TSKS: variants seen among roughly 807,000 people sequenced by gnomAD.
TSKS encodes the protein testis-specific serine kinase substrate.
Under a neutral mutation model 68.0 loss-of-function variants are expected in TSKS, and 27 were observed. That is an observed-to-expected ratio of 0.40 (90% CI 0.29 to 0.55). The LOEUF (loss-of-function observed/expected upper bound fraction) is 0.55. Among genes scored for constraint, TSKS ranks in the 20% least tolerant of loss-of-function variants. TSKS has a pLI of 0.53. For missense variants in TSKS, 806 were observed against 776.0 expected (o/e 1.04, Z -0.46); for synonymous variants, 331 against 340.4 (o/e 0.97, Z 0.30).
chr19:49,759,361 C>A (rs1054390940), intron 2 of TSKS, among the ~76,000 whole-genome samples: 1 of 149,960 alleles, frequency 6.7e-6, no homozygotes, highest in Non-Finnish European at 1.5e-5. Flanking sequence ...CCCAGCTACT[C>A]GGGAGGCTGA....
At chr19:49,746,889 G>T in intron 5 of TSKS, 91 bp from the exon 6 acceptor site, 1 of 1,532,586 alleles carries the variant, frequency 6.5e-7, no homozygotes, top group Non-Finnish European at 8.7e-7. Context: ...TACTCCCCGA[G>T]ATTGGAAGTA....
chr19:49,763,217 G>C lies in TSKS; in HGVS notation c.31C>G (p.Gln11Glu). The C allele has an allele frequency of 6.5e-7, 1 of 1,533,570 alleles. No homozygotes were observed. Among genetic ancestry groups the C allele is most frequent in the South Asian group, 1.2e-5 (1 of 81,104 alleles). The allele number at this position is 1,533,570 out of a possible 1,614,324, so 95.0% of individuals were successfully genotyped here. The change falls in exon 1 of 11, where the codon CAG becomes GAG. Residue 11 changes from glutamine (Q) to glutamate (E), a missense_variant. By Grantham distance (29) the Gln-to-Glu change is conservative (BLOSUM62 2). Coordinates refer to ENST00000246801, the MANE Select transcript of TSKS (RefSeq NM_021733.2). This position sits in a 1 kb window ranked among gnomAD's most constrained non-coding sequence, Gnocchi z 4.5. ...CCGGCCTCATGGATCTCTTTGGACT[G>C]CCAGATCGTCTTCACCACCACGCTC... Reference protein sequence around the residue: MASVVVKTIWQSKEIHEAGDT... With the variant: MASVVVKTIWESKEIHEAGDT...
At chr19:49,753,940 A>G (rs2084372744) in intron 2 of TSKS, among the ~76,000 whole-genome samples, 1 of 148,082 alleles carries the variant, frequency 6.8e-6, no homozygotes, top group Non-Finnish European at 1.5e-5. Context: ...GCTGGAGTGC[A>G]GTGGCATGAT....
chr19:49,757,110 A>G (rs2084398491), intron 2 of TSKS, among the ~76,000 whole-genome samples: 1 of 152,230 alleles, frequency 6.6e-6, no homozygotes, highest in African/African-American at 2.4e-5. Context: ...GTAAGAGACT[A>G]CTTCATAAGA....
intron 6 of TSKS, 108 bp from the exon 7 acceptor site, chr19:49,745,504 C>A: frequency 1.0e-6 from 1 of 990,826 alleles, no homozygotes; most frequent in Non-Finnish European, 1.4e-6. Flanking sequence ...CCACTGAGAC[C>A]ATGCCCGTGG....
intron 7 of TSKS, 118 bp downstream of exon 7, chr19:49,745,084 A>C (rs1315893871): frequency 2.0e-6 from 2 of 990,010 alleles, no homozygotes; most frequent in East Asian, 2.7e-5. Flanking sequence ...ATGTCGGTAT[A>C]TGTTCCGGAA....
At chr19:49,741,471 T>C (rs1354111770) in intron 9 of TSKS, among the ~76,000 whole-genome samples, 1 of 152,182 alleles carries the variant, frequency 6.6e-6, no homozygotes, top group Non-Finnish European at 1.5e-5. Context: ...ATCAGCTAAC[T>C]GGGGCCTACA....
At chr19:49,749,231 C>T (rs2123613008) in intron 2 of TSKS, among the ~76,000 whole-genome samples, 1 of 152,296 alleles carries the variant, frequency 6.6e-6, no homozygotes, top group African/African-American at 2.4e-5. Context: ...AACTCCGCCT[C>T]TTGAGGTTAT....
At position 49,763,124 on chromosome 19, in the gene TSKS, G is replaced by T. The variant is rs139192008; in HGVS notation, c.124C>A (p.Arg42=). 1.9e-6 allele frequency: 3 copies of T among 1,612,132 alleles called. No individual in the cohort carries two copies. The highest frequency in any genetic ancestry group is 2.5e-6 in the Non-Finnish European group (3 of 1,179,074). The change falls in exon 1 of 11, where the codon CGG becomes AGG. Residue 42 remains arginine, a synonymous_variant. Coordinates refer to ENST00000246801, the MANE Select transcript of TSKS (RefSeq NM_021733.2). This position sits in a 1 kb window ranked among gnomAD's most constrained non-coding sequence, Gnocchi z 4.5. ...VPEAPRRVTS[R]AKGIPKKKKA... is the part of the protein sequence containing the mutation. Reference sequence around the variant, plus strand: ...TTTTTCTTCGGGATCCCCTTGGCCCGGCTGGTCACCCTCCGGGGAGCCTCT... The same window carrying T: ...TTTTTCTTCGGGATCCCCTTGGCCCTGCTGGTCACCCTCCGGGGAGCCTCT...
At chr19:49,741,458 C>T (rs758449481) in intron 9 of TSKS, among the ~76,000 whole-genome samples, 21 of 152,142 alleles carry the variant, frequency 1.4e-4, no homozygotes, top group Admixed American at 2.6e-4. Context: ...TTTCCCATAA[C>T]GCATCAGCTA....
chr19:49,756,123 G>C (rs1007419654), intron 2 of TSKS, among the ~76,000 whole-genome samples: 5 of 152,094 alleles, frequency 3.3e-5, no homozygotes, highest in African/African-American at 1.2e-4. Context: ...ATTATACATG[G>C]TGACCAACTG....
At chr19:49,747,722 C>A (rs2084314707) in intron 4 of TSKS, among the ~76,000 whole-genome samples, 1 of 151,804 alleles carries the variant, frequency 6.6e-6, no homozygotes, top group African/African-American at 2.4e-5. Context: ...TTCTTTTTTT[C>A]TTTTGAGACT....
chr19:49,741,310 T>G (rs1055570182), intron 9 of TSKS, among the ~76,000 whole-genome samples: 14 of 152,168 alleles, frequency 9.2e-5, no homozygotes, highest in African/African-American at 3.4e-4. Flanking sequence ...AGTGCCTCAC[T>G]TGTCTGTCTC....
intron 8 of TSKS, among the ~76,000 whole-genome samples, chr19:49,743,493 CTTTTTTTTTTTT>C (rs761657800): frequency 4.8e-5 from 5 of 103,910 alleles, no homozygotes; most frequent in Admixed American, 2.1e-4. Context: ...AAGTGAATTT[CTTTTTTTTTTTT>C]TTTTTTTTTT....
chr19:49,747,048 G>T, intron 5 of TSKS: 1 of 1,331,716 alleles, frequency 7.5e-7, no homozygotes, highest in Non-Finnish European at 1.0e-6. Flanking sequence ...CCCTCCAGGC[G>T]TCAAATACCA....
chr19:49,744,706 C>T lies in TSKS; in HGVS notation c.1188-302G>A, dbSNP rs57379487. 8.3e-3 allele frequency among the ~76,000 whole-genome samples: 1,259 copies of T among 152,256 alleles called. 16 individuals are homozygous for T. The highest frequency in any genetic ancestry group is 0.029 in the African/African-American group (1,197 of 41,546). ...CAAGCGATCACTCCTGCCTCAGCCT[C>T]CCGAGTGGCTAGGACTACCAGGGTG... On this transcript the variant is annotated intron_variant, in intron 7 of 10. Transcript: ENST00000246801.
intron 2 of TSKS, 49 bp from the exon 3 acceptor site, chr19:49,748,518 C>G: frequency 6.4e-7 from 1 of 1,562,800 alleles, no homozygotes; most frequent in South Asian, 1.1e-5. Flanking sequence ...TGGGGGCAAG[C>G]CCCAAGCCCA....
chr19:49,748,436 C>G lies in TSKS; in HGVS notation c.433G>C (p.Asp145His). ...TTTTCCTTCAAGCTGGTGATGGAGT[C>G]TTTGGCGCGGACCAATCCACTGTTG... The part of the protein sequence containing the change: ...GVNSGLVRAK[D>H]SITSLKEKTN... The change falls in exon 3 of 11, where the codon GAC (aspartate) becomes CAC (histidine). Residue 145 changes from aspartate to histidine, a missense_variant. Physicochemically the swap from Asp to His is moderately conservative, Grantham distance 81. Transcript: ENST00000246801. The G allele has an allele frequency of 2.5e-6, 4 of 1,614,210 alleles. No homozygotes were observed. The highest frequency in any genetic ancestry group is 3.4e-6 in the Non-Finnish European group (4 of 1,180,042).
chr19:49,759,285 A>G (rs2084419706), intron 2 of TSKS, among the ~76,000 whole-genome samples: 1 of 151,450 alleles, frequency 6.6e-6, no homozygotes, highest in Non-Finnish European at 1.5e-5. Flanking sequence ...CCTGGCCAAC[A>G]TGGTGAAACC....
Sources: gnomAD v4.1 joint callset for allele counts (sites outside exome capture counted in the v4.1 genomes callset) on GRCh38, gnomAD v4.1.1 for gene constraint, Gnocchi (gnomAD v3.1) non-coding constraint, MANE v1.5 for transcripts, NCBI Gene and HGNC (gene_info 2026-07-23, HGNC 2026-07-21) for gene names.